GRIK1: variants seen among roughly 807,000 people sequenced by gnomAD.
The protein encoded by GRIK1 is glutamate receptor ionotropic, kainate 1.
GRIK1 carries 69 observed loss-of-function variants against 105.7 expected under a neutral mutation model. The ratio of observed to expected loss-of-function variants is 0.65; its 90% CI spans 0.54 to 0.80. GRIK1 has a LOEUF of 0.80. Ranked by LOEUF, GRIK1 falls within the 30% of genes least tolerant of loss-of-function variation. The pLI is 0.00. For missense variants in GRIK1, 1,109 were observed against 1,167.3 expected (o/e 0.95, Z 0.73); for synonymous variants, 438 against 431.3 (o/e 1.02, Z -0.19).
intron 13 of GRIK1, among the ~76,000 whole-genome samples, chr21:29,578,921 GATAT>G (rs1307558250): frequency 6.6e-6 from 1 of 152,062 alleles, no homozygotes; most frequent in African/African-American, 2.4e-5. Context: ...ACAATTAATA[GATAT>G]ATTTTTCTTA....
Position 29,591,181 on chromosome 21 carries a change from G to C in GRIK1, c.1296C>G (p.Ser432Arg). The C allele has an allele frequency of 6.2e-7, 1 of 1,611,234 alleles. No homozygotes were observed. The highest frequency in any genetic ancestry group is 8.5e-7 in the Non-Finnish European group (1 of 1,177,396). ...TGATATTGCTGGACTTGTCTTTGTTGCTGTCCGTCATGTTAAGCCCACTGT... is the reference window on the plus strand; with the variant it reads ...TGATATTGCTGGACTTGTCTTTGTTCCTGTCCGTCATGTTAAGCCCACTGT... ...NSNSGLNMTD[S>R]NKDKSSNITD... Residue 432 changes from serine to arginine, a missense_variant, in exon 10 of 18, where the codon AGC (serine) becomes AGG (arginine). Coordinates refer to ENST00000327783, the MANE Select transcript of GRIK1 (RefSeq NM_001330994.2).
At chr21:29,623,235 A>G (rs2062047476) in intron 7 of GRIK1, among the ~76,000 whole-genome samples, 1 of 152,178 alleles carries the variant, frequency 6.6e-6, no homozygotes. Flanking sequence ...GAATCCCTCT[A>G]TAAAACCATG....
intron 16 of GRIK1, among the ~76,000 whole-genome samples, chr21:29,550,975 T>C (rs2090124323): frequency 6.6e-6 from 1 of 152,220 alleles, no homozygotes. Context: ...TAATTATTTA[T>C]TGAGTGGCTA....
intron 1 of GRIK1, among the ~76,000 whole-genome samples, chr21:29,895,944 T>TTGC (rs956123697): frequency 2.5e-4 from 38 of 152,320 alleles, no homozygotes; most frequent in African/African-American, 8.7e-4. Context: ...CTTGTTTCCT[T>TTGC]TGCTCCAGCC....
At position 29,693,923 on chromosome 21, in the gene GRIK1, A is replaced by G; in HGVS notation, c.259T>C (p.Phe87Leu). 6.2e-7 allele frequency: 1 copy of G among 1,613,336 alleles called. No homozygotes were observed. Among genetic ancestry groups the G allele is most frequent in the Non-Finnish European group, 8.5e-7 (1 of 1,179,512 alleles). The change falls in exon 2 of 18, where the codon TTT becomes CTT. Residue 87 changes from phenylalanine (F) to leucine (L), a missense_variant. Physicochemically the swap from Phe to Leu is conservative, Grantham distance 22. This residue lies in a region of GRIK1 where 612 missense variants were observed against 586.0 expected (regional missense o/e 1.04). Transcript: ENST00000327783. ...CTCCGCGAGGCTTCAAAACTATCAA[A>G]AAGGTTAATTCTCTGGATGTCATAG... ...LTYDIQRINL[F>L]DSFEASRRAC... is the part of the protein sequence containing the mutation.
Position 29,867,868 on chromosome 21 carries a change from A to AAG in GRIK1, c.118+71513_118+71514dup, listed in dbSNP as rs1188959025. On this transcript the variant is annotated intron_variant, in intron 1 of 17. Coordinates refer to ENST00000327783, the MANE Select transcript of GRIK1 (RefSeq NM_001330994.2). The stretch of plus-strand genomic sequence containing the variant: ...GGAAGGAAAGAGAGAAAGAGAGAGA[A>AAG]AGAGAGAAAGAGAGAGAAAGAGAGA... 6.7e-4 allele frequency among the ~76,000 whole-genome samples: 33 copies of AAG among 49,576 alleles called. 1 individual carries two copies. Among genetic ancestry groups the AAG allele is most frequent in the South Asian group, 3.6e-3 (4 of 1,106 alleles). 32.5% of individuals were successfully genotyped at this position (49,576 alleles called of 152,430 possible). A position where few individuals can be genotyped will look rare whatever the true frequency, so the allele number is the denominator to read the frequency against.
At chr21:29,865,683 T>C (rs2068778653) in intron 1 of GRIK1, among the ~76,000 whole-genome samples, 1 of 152,262 alleles carries the variant, frequency 6.6e-6, no homozygotes, top group Non-Finnish European at 1.5e-5. Context: ...ACAATAGAAG[T>C]TTTTGAATTA....
At chr21:29,599,819 G>C in intron 7 of GRIK1, among the ~76,000 whole-genome samples, 1 of 150,932 alleles carries the variant, frequency 6.6e-6, no homozygotes, top group African/African-American at 2.5e-5. Flanking sequence ...AAACAAAAAG[G>C]GTCGGGCGCA....
intron 1 of GRIK1, among the ~76,000 whole-genome samples, chr21:29,914,952 A>C (rs1215164922): frequency 3.9e-5 from 6 of 152,044 alleles, no homozygotes; most frequent in African/African-American, 1.4e-4. Context: ...TTGTTAAGCC[A>C]CTTTCATTTG....
At chr21:29,590,538 G>A (rs550130393) in intron 10 of GRIK1, among the ~76,000 whole-genome samples, 2 of 152,284 alleles carry the variant, frequency 1.3e-5, no homozygotes, top group East Asian at 3.9e-4. Flanking sequence ...AAGGGAGGTG[G>A]GGGTCTGATT....
chr21:29,839,791 G>A (rs2067924857), intron 1 of GRIK1, among the ~76,000 whole-genome samples: 1 of 152,202 alleles, frequency 6.6e-6, no homozygotes, highest in African/African-American at 2.4e-5. Context: ...AACTCATCCT[G>A]ATATCTTATA....
intron 12 of GRIK1, among the ~76,000 whole-genome samples, chr21:29,585,060 G>T (rs1314971681): frequency 6.6e-6 from 1 of 152,088 alleles, no homozygotes; most frequent in Non-Finnish European, 1.5e-5. Flanking sequence ...TTCCAAGTTT[G>T]CACTGGATGT....
chr21:29,629,675 G>A (rs3787669), intron 7 of GRIK1, among the ~76,000 whole-genome samples: 28,616 of 151,854 alleles, frequency 0.19, 2,908 homozygotes, highest in Non-Finnish European at 0.23. Context: ...GTTTTCAGTA[G>A]AGACAGGGTT....
At chr21:29,866,699 G>C (rs1037532631) in intron 1 of GRIK1, among the ~76,000 whole-genome samples, 1 of 152,088 alleles carries the variant, frequency 6.6e-6, no homozygotes, top group Non-Finnish European at 1.5e-5. Flanking sequence ...CAAAGATTAC[G>C]GCATGTCATT....
chr21:29,651,381 A>C (rs1007150278), intron 5 of GRIK1, 90 bp from the exon 6 acceptor site: 40 of 781,370 alleles, frequency 5.1e-5, no homozygotes, highest in African/African-American at 7.1e-5. Flanking sequence ...GCACCAACTA[A>C]TACAATGATA....
chr21:29,625,912 G>A (rs2062117601), intron 7 of GRIK1, among the ~76,000 whole-genome samples: 2 of 152,056 alleles, frequency 1.3e-5, no homozygotes, highest in Admixed American at 1.3e-4. Flanking sequence ...AAAGTTATGG[G>A]CAAAGTTGTG....
At chr21:29,834,750 GTATTAATAT>G (rs1360841927) in intron 1 of GRIK1, among the ~76,000 whole-genome samples, 1 of 150,214 alleles carries the variant, frequency 6.7e-6, no homozygotes, top group Non-Finnish European at 1.5e-5. Flanking sequence ...TCTGGCATTA[GTATTAATAT>G]TATTAATATT....
At chr21:29,911,470 T>C (rs2070813756) in intron 1 of GRIK1, among the ~76,000 whole-genome samples, 1 of 152,030 alleles carries the variant, frequency 6.6e-6, no homozygotes, top group Admixed American at 6.6e-5. Context: ...CTATAAACTA[T>C]GTTATTGAGA....
At chr21:29,872,043 C>T (rs1390203500) in intron 1 of GRIK1, among the ~76,000 whole-genome samples, 1 of 151,986 alleles carries the variant, frequency 6.6e-6, no homozygotes, top group Non-Finnish European at 1.5e-5. Flanking sequence ...GGATTACAGG[C>T]ATGAGCCACC....
Sources: gnomAD v4.1 joint callset for allele counts (sites outside exome capture counted in the v4.1 genomes callset) on GRCh38, gnomAD v4.1.1 for gene constraint, gnomAD v4.1.1 regional missense constraint, MANE v1.5 for transcripts, NCBI Gene and HGNC (gene_info 2026-07-23, HGNC 2026-07-21) for gene names.